Variants in NKAIN2 observed in about 807,000 individuals in gnomAD.
NKAIN2 encodes the protein sodium/potassium transporting ATPase interacting 2.
NKAIN2 carries 14 observed loss-of-function variants against 32.6 expected under a neutral mutation model. The observed-to-expected ratio is 0.43, with a 90% CI of 0.28 to 0.67. NKAIN2 has a LOEUF of 0.67. Among genes scored for constraint, NKAIN2 ranks in the 30% least tolerant of loss-of-function variants. The pLI, the probability that NKAIN2 is intolerant of heterozygous loss-of-function variation, is 0.17. For synonymous variants in NKAIN2, 80 were observed against 87.2 expected (o/e 0.92, Z 0.46); for missense variants, 198 against 258.3 (o/e 0.77, Z 1.60).
At chr6:124,208,838 A>C (rs1791029348) in intron 1 of NKAIN2, among the ~76,000 whole-genome samples, 1 of 151,408 alleles carries the variant, frequency 6.6e-6, no homozygotes. Flanking sequence ...ATTATTATGG[A>C]TGCATAATAG....
intron 3 of NKAIN2, among the ~76,000 whole-genome samples, chr6:124,405,303 T>A (rs1484950692): frequency 6.6e-6 from 1 of 152,038 alleles, no homozygotes; most frequent in Non-Finnish European, 1.5e-5. Flanking sequence ...ACAAGAAAAG[T>A]TTTTGCAGAA....
intron 5 of NKAIN2, among the ~76,000 whole-genome samples, chr6:124,815,223 T>C (rs1248733269): frequency 9.7e-5 from 10 of 103,214 alleles, no homozygotes; most frequent in Non-Finnish European, 1.8e-4. Flanking sequence ...ACTATATATA[T>C]ACATATATAT....
intron 1 of NKAIN2, among the ~76,000 whole-genome samples, chr6:124,153,610 G>A (rs1787840292): frequency 1.3e-5 from 2 of 151,470 alleles, no homozygotes; most frequent in Admixed American, 1.3e-4. Flanking sequence ...CCCCAAATAT[G>A]TGACATTTTG....
At chr6:124,469,880 T>C (rs1287175377) in intron 3 of NKAIN2, among the ~76,000 whole-genome samples, 4 of 152,276 alleles carry the variant, frequency 2.6e-5, no homozygotes, top group African/African-American at 9.6e-5. Context: ...CACCTCTTCT[T>C]ATCTTCCTGA....
At chr6:124,046,474 T>G (rs1782135181) in intron 1 of NKAIN2, among the ~76,000 whole-genome samples, 1 of 152,082 alleles carries the variant, frequency 6.6e-6, no homozygotes, top group Non-Finnish European at 1.5e-5. Flanking sequence ...TATTTAACTT[T>G]GCTTAACCCA....
At chr6:124,345,230 T>G (rs1798346048) in intron 2 of NKAIN2, among the ~76,000 whole-genome samples, 1 of 152,190 alleles carries the variant, frequency 6.6e-6, no homozygotes, top group South Asian at 2.1e-4. Context: ...CTGGATTCAG[T>G]TTGCCAGTAT....
At chr6:124,514,765 G>GAAAA (rs546177544) in intron 3 of NKAIN2, among the ~76,000 whole-genome samples, 7 of 110,340 alleles carry the variant, frequency 6.3e-5, no homozygotes, top group African/African-American at 1.8e-4. Flanking sequence ...CTTGGGTATT[G>GAAAA]AAAAAAAAAA....
intron 3 of NKAIN2, among the ~76,000 whole-genome samples, chr6:124,468,826 A>G (rs1339650518): frequency 6.6e-6 from 1 of 152,196 alleles, no homozygotes; most frequent in Admixed American, 6.5e-5. Flanking sequence ...ATACACTAAC[A>G]TTTTGAACCA....
intron 1 of NKAIN2, among the ~76,000 whole-genome samples, chr6:124,007,763 T>A (rs1385777801): frequency 6.6e-6 from 1 of 152,166 alleles, no homozygotes; most frequent in Non-Finnish European, 1.5e-5. Flanking sequence ...ATATGATACT[T>A]TGCATCCCTT....
intron 5 of NKAIN2, among the ~76,000 whole-genome samples, chr6:124,799,029 T>C (rs1780138031): frequency 1.3e-5 from 2 of 152,168 alleles, no homozygotes; most frequent in Non-Finnish European, 1.5e-5. Context: ...AAATATGACA[T>C]CTCCTCAGAA....
At chr6:124,547,636 A>T (rs1380093466) in intron 3 of NKAIN2, among the ~76,000 whole-genome samples, 1 of 152,208 alleles carries the variant, frequency 6.6e-6, no homozygotes, top group Non-Finnish European at 1.5e-5. Flanking sequence ...AACTGTACTT[A>T]AAGAAGCCCC....
At chr6:124,423,187 T>C (rs1774834010) in intron 3 of NKAIN2, among the ~76,000 whole-genome samples, 1 of 152,204 alleles carries the variant, frequency 6.6e-6, no homozygotes, top group Non-Finnish European at 1.5e-5. Context: ...TTTTCATATT[T>C]TAGTGACCAA....
chr6:124,519,029 C>G lies in NKAIN2; in HGVS notation c.274-139157C>G, dbSNP rs563891468. Reference sequence around the variant, plus strand: ...CCAGGATGGACTTGCCTGATGAGAGCAGCTCATCAAGGCAGATGTGGACAG... The same window carrying G: ...CCAGGATGGACTTGCCTGATGAGAGGAGCTCATCAAGGCAGATGTGGACAG... On this transcript the variant is annotated intron_variant, in intron 3 of 6. Coordinates refer to ENST00000368417, the MANE Select transcript of NKAIN2 (RefSeq NM_001040214.3). 2.0e-5 allele frequency among the ~76,000 whole-genome samples: 3 copies of G among 152,220 alleles called. No homozygotes were observed. In the East Asian group the frequency reaches 5.8e-4, roughly 29 times the overall value.
intron 1 of NKAIN2, among the ~76,000 whole-genome samples, chr6:123,943,767 T>C (rs1776934873): frequency 6.6e-6 from 1 of 152,082 alleles, no homozygotes; most frequent in African/African-American, 2.4e-5. Context: ...TCCATTGTTC[T>C]AGGTATTCAG....
intron 3 of NKAIN2, among the ~76,000 whole-genome samples, chr6:124,443,948 C>A (rs1271700346): frequency 6.6e-6 from 1 of 152,002 alleles, no homozygotes; most frequent in Non-Finnish European, 1.5e-5. Flanking sequence ...ATTCCCACTT[C>A]ATATACTCTT....
chr6:124,824,375 T>C lies in NKAIN2; in HGVS notation c.*1146T>C, dbSNP rs376287309. The stretch of plus-strand genomic sequence containing the variant: ...ATTTTTGGGTGGGTGGGGGGAGCAA[T>C]AGTTACCTTGGTGAAATATTTGAGA... On this transcript the variant is annotated 3_prime_UTR_variant, in exon 7 of 7. Transcript: ENST00000368417. 37 of 152,522 alleles carry C rather than the reference T, an allele frequency of 2.4e-4. No individual in the cohort carries two copies. The highest frequency in any genetic ancestry group is 7.0e-4 in the African/African-American group (29 of 41,560). 9.4% of individuals were successfully genotyped at this position (152,522 alleles called of 1,614,324 possible).
intron 1 of NKAIN2, among the ~76,000 whole-genome samples, chr6:123,871,442 A>G (rs1264515396): frequency 6.6e-6 from 1 of 152,168 alleles, no homozygotes; most frequent in Non-Finnish European, 1.5e-5. Context: ...ACTGCTCCCC[A>G]GGTCTGCTTC....
rs144479630 is a variant in NKAIN2 at position 124,462,257 on chromosome 6, A to C, written c.273+106910A>C. On this transcript the variant is annotated intron_variant, in intron 3 of 6. Coordinates refer to ENST00000368417, the MANE Select transcript of NKAIN2 (RefSeq NM_001040214.3). ...AGAAATAATATACTGTTTGAAGAAA[A>C]TAAAAGCACCATAATCTAATAAAAT... Among the ~76,000 whole-genome samples the C allele has an allele frequency of 3.1e-3, 472 of 152,098 alleles. 2 individuals carry two copies. The highest frequency in any genetic ancestry group is 9.8e-3 in the African/African-American group (409 of 41,570).
chr6:124,762,899 T>A (rs781023347), intron 4 of NKAIN2, among the ~76,000 whole-genome samples: 34 of 152,216 alleles, frequency 2.2e-4, no homozygotes, highest in South Asian at 4.1e-4. Context: ...AGAACTTCAC[T>A]GTAAATCTGA....
Sources: gnomAD v4.1 joint callset for allele counts (sites outside exome capture counted in the v4.1 genomes callset) on GRCh38, gnomAD v4.1.1 for gene constraint, MANE v1.5 for transcripts, NCBI Gene and HGNC (gene_info 2026-07-23, HGNC 2026-07-21) for gene names.